The following PRELID2 variants were observed in gnomAD, a reference collection of about 807,000 sequenced individuals.
The protein encoded by PRELID2 is PRELI domain-containing protein 2.
A neutral mutation model predicts 28.4 loss-of-function variants in PRELID2; 25 were observed. The observed-to-expected ratio is 0.88, with a 90% CI of 0.64 to 1.23. The LOEUF (loss-of-function observed/expected upper bound fraction) is 1.23. Among genes scored for constraint, PRELID2 ranks in the 50% most tolerant of loss-of-function variants. The probability of loss-of-function intolerance (pLI) is 0.00; values close to 1 mark genes in which losing one functional copy is unlikely to be tolerated. For missense variants in PRELID2, 201 were observed against 214.4 expected (o/e 0.94, Z 0.39); for synonymous variants, 76 against 71.6 (o/e 1.06, Z -0.31).
chr5:145,708,545 G>T (rs954728941), intron 1 of PRELID2, among the ~76,000 whole-genome samples: 2 of 151,822 alleles, frequency 1.3e-5, no homozygotes, highest in East Asian at 1.9e-4. Flanking sequence ...TTTACAATAA[G>T]CATTATTTTT....
intron 1 of PRELID2, among the ~76,000 whole-genome samples, chr5:145,522,552 C>G (rs1752571959): frequency 6.6e-6 from 1 of 151,986 alleles, no homozygotes; most frequent in South Asian, 2.1e-4. Context: ...TTTTCTTTTC[C>G]CAAATGATGG....
At chr5:145,580,782 C>A (rs930250486) in intron 1 of PRELID2, among the ~76,000 whole-genome samples, 2 of 152,008 alleles carry the variant, frequency 1.3e-5, no homozygotes, top group African/African-American at 4.8e-5. Flanking sequence ...GTAATGCAGG[C>A]AAACAATCCA....
chr5:145,623,844 A>G (rs1000970942), intron 1 of PRELID2, among the ~76,000 whole-genome samples: 2 of 152,182 alleles, frequency 1.3e-5, no homozygotes, highest in Admixed American at 1.3e-4. Context: ...GGTGGTCTAC[A>G]ATTCAATTCA....
At chr5:145,360,410 C>T in the PRELID2 span, among the ~76,000 whole-genome samples, 1 of 152,106 alleles carries the variant, frequency 6.6e-6, no homozygotes, top group South Asian at 2.1e-4. Context: ...AGATCTCCCA[C>T]AGAGATGCAA....
intron 1 of PRELID2, among the ~76,000 whole-genome samples, chr5:145,493,280 G>A (rs1752283255): frequency 6.6e-6 from 1 of 152,100 alleles, no homozygotes; most frequent in African/African-American, 2.4e-5. Context: ...ATGTCCAGAT[G>A]ATCATCAGAT....
chr5:145,449,434 C>G, the PRELID2 span, among the ~76,000 whole-genome samples: 18 of 151,996 alleles, frequency 1.2e-4, no homozygotes, highest in Non-Finnish European at 1.0e-4. Flanking sequence ...GTTGAACTCC[C>G]CTCAATGTTC....
At chr5:145,681,273 T>G (rs750719658) in intron 1 of PRELID2, among the ~76,000 whole-genome samples, 5 of 152,212 alleles carry the variant, frequency 3.3e-5, no homozygotes, top group Non-Finnish European at 7.3e-5. Context: ...ATGGAAATTT[T>G]TCTCCCTTTC....
intron 5 of PRELID2, chr5:145,795,074 T>C (rs558109569): frequency 6.6e-6 from 1 of 152,266 alleles, no homozygotes; most frequent in East Asian, 1.9e-4. Flanking sequence ...ATAGCTGTAT[T>C]ATAAAAAAAT....
chr5:145,429,178 A>C, the PRELID2 span, among the ~76,000 whole-genome samples: 2 of 152,150 alleles, frequency 1.3e-5, no homozygotes, highest in African/African-American at 2.4e-5. Context: ...TGGGATAGAA[A>C]CCTATTGCAA....
the PRELID2 span, among the ~76,000 whole-genome samples, chr5:145,294,346 TCTTA>T: frequency 6.6e-6 from 1 of 152,170 alleles, no homozygotes; most frequent in Non-Finnish European, 1.5e-5. Context: ...ATTTAAATAA[TCTTA>T]CTTACTGAAT....
At chr5:145,664,371 A>G (rs1210130381) in intron 1 of PRELID2, among the ~76,000 whole-genome samples, 1 of 152,142 alleles carries the variant, frequency 6.6e-6, no homozygotes, top group African/African-American at 2.4e-5. Flanking sequence ...CTATACTAAG[A>G]AGCAGAATGA....
At chr5:145,701,072 G>A (rs527344802) in intron 1 of PRELID2, among the ~76,000 whole-genome samples, 31 of 152,354 alleles carry the variant, frequency 2.0e-4, no homozygotes, top group African/African-American at 6.5e-4. Context: ...GCCAGTGGCC[G>A]AAGGCTTCAA....
At chr5:145,339,193 G>T in the PRELID2 span, among the ~76,000 whole-genome samples, 2 of 152,172 alleles carry the variant, frequency 1.3e-5, no homozygotes, top group Non-Finnish European at 2.9e-5. Context: ...CTCAATCAAA[G>T]TAGTAAGTAG....
At chr5:145,315,548 GTGT>G in the PRELID2 span, among the ~76,000 whole-genome samples, 2 of 44,240 alleles carry the variant, frequency 4.5e-5, no homozygotes, top group African/African-American at 9.5e-5. Flanking sequence ...CTTTCAGGGT[GTGT>G]GTGTGTGTGT....
At chr5:145,232,459 A>G in the PRELID2 span, among the ~76,000 whole-genome samples, 308 of 152,292 alleles carry the variant, frequency 2.0e-3, no homozygotes, top group African/African-American at 7.0e-3. Flanking sequence ...TGACCTTAGA[A>G]TGAGTGCCCC....
At chr5:145,774,912 T>A (rs903161228) in intron 5 of PRELID2, among the ~76,000 whole-genome samples, 2 of 152,052 alleles carry the variant, frequency 1.3e-5, no homozygotes, top group African/African-American at 4.8e-5. Context: ...TTCAGCTCGG[T>A]TAAAAAAGGT....
At chr5:145,342,881 C>T in the PRELID2 span, among the ~76,000 whole-genome samples, 1 of 131,396 alleles carries the variant, frequency 7.6e-6, no homozygotes. Flanking sequence ...ATCAGATAAA[C>T]CAACTTTAAG....
At chr5:145,352,195 C>T in the PRELID2 span, among the ~76,000 whole-genome samples, 1 of 152,310 alleles carries the variant, frequency 6.6e-6, no homozygotes, top group South Asian at 2.1e-4. Flanking sequence ...TCCACCTTTC[C>T]CTTCTGCACT....
chr5:145,778,786 G>C (rs1456262744), intron 5 of PRELID2, among the ~76,000 whole-genome samples: 3 of 152,208 alleles, frequency 2.0e-5, no homozygotes, highest in Non-Finnish European at 4.4e-5. Flanking sequence ...TGTGAACTAA[G>C]CACAGCCTGC....
Sources: gnomAD v4.1 joint callset for allele counts (sites outside exome capture counted in the v4.1 genomes callset) on GRCh38, gnomAD v4.1.1 for gene constraint, MANE v1.5 for transcripts, NCBI Gene and HGNC (gene_info 2026-07-23, HGNC 2026-07-21) for gene names.